Variants in SOD1 observed in about 807,000 individuals in gnomAD.
SOD1 encodes the protein superoxide dismutase [Cu-Zn].
SOD1 carries 8 observed loss-of-function variants against 15.9 expected under a neutral mutation model. The ratio of observed to expected loss-of-function variants is 0.50; its 90% CI spans 0.30 to 0.91. The LOEUF (loss-of-function observed/expected upper bound fraction) is 0.91. SOD1 is among the 40% of genes least tolerant of loss of function. The pLI, the probability that SOD1 is intolerant of heterozygous loss-of-function variation, is 0.07. For missense variants in SOD1, 137 were observed against 194.5 expected, an observed-to-expected ratio of 0.70 and a Z score of 1.76; for synonymous variants, 86 against 71.2, an observed-to-expected ratio of 1.21 and a Z score of -1.04.
intron 2 of SOD1, among the ~76,000 whole-genome samples, chr21:31,664,877 A>G (rs1017529804): frequency 3.3e-5 from 5 of 152,130 alleles, no homozygotes; most frequent in South Asian, 2.1e-4. Flanking sequence ...CAGCCTCCCA[A>G]AGTGCTGGGA....
chr21:31,667,893 ACATTCAGTAGTCACTTC>A (rs1288632683), intron 4 of SOD1, among the ~76,000 whole-genome samples: 4 of 152,188 alleles, frequency 2.6e-5, no homozygotes, highest in Non-Finnish European at 5.9e-5. Context: ...GAGGGCATTA[ACATTCAGTAGTCACTTC>A]CATTCAGTTA....
Position 31,664,719 on chromosome 21 carries a change from T to C in SOD1, c.169+833T>C, listed in dbSNP as rs17883461. Among the ~76,000 whole-genome samples the C allele has an allele frequency of 4.5e-3, 690 of 152,060 alleles. 6 individuals carry two copies. Among genetic ancestry groups the C allele is most frequent in the African/African-American group, 0.015 (636 of 41,456 alleles). ...CTGCAAGCTCCGCCTCCCGGGTTCA[T>C]GCCATTCTCCTGCCTCAGCCCCCTG... On this transcript the variant is annotated intron_variant, in intron 2 of 4. Coordinates refer to ENST00000270142, the MANE Select transcript of SOD1 (RefSeq NM_000454.5).
At chr21:31,666,758 A>T in intron 3 of SOD1, 4 of 552,560 alleles carry the variant, frequency 7.2e-6, no homozygotes, top group Non-Finnish European at 3.2e-6. Flanking sequence ...TGAATATAGA[A>T]CTAATACAAG....
chr21:31,666,315 G>T, intron 2 of SOD1, 134 bp from the exon 3 acceptor site: 1 of 698,006 alleles, frequency 1.4e-6, no homozygotes, highest in South Asian at 1.5e-5. Context: ...GCTGTACCAA[G>T]GTGTTGCTTA....
In SOD1 at chr21:31,668,625, C is replaced by T. The variant is rs571521279; in HGVS notation, c.*47C>T. ...GAGGCCCCTTAACTCATCTGTTATC[C>T]TGCTAGCTGTAGAAATGTATCCTGA... On this transcript the variant is annotated 3_prime_UTR_variant, in exon 5 of 5. Transcript: ENST00000270142. 1.6e-5 allele frequency: 21 copies of T among 1,290,670 alleles called. No homozygotes were observed. The African/African-American group carries it at 2.9e-4, about 18-fold the overall frequency. The allele number at this position is 1,290,670 out of a possible 1,614,324, so 80.0% of individuals were successfully genotyped here.
intron 2 of SOD1, among the ~76,000 whole-genome samples, chr21:31,665,343 T>C (rs557605838): frequency 6.6e-6 from 1 of 152,284 alleles, no homozygotes; most frequent in African/African-American, 2.4e-5. Context: ...GATTTTTTTG[T>C]TTATAGATTT....
At chr21:31,664,250 T>C (rs1176949517) in intron 2 of SOD1, 1 of 297,792 alleles carries the variant, frequency 3.4e-6, no homozygotes, top group East Asian at 7.7e-5. Context: ...TGGGATTACA[T>C]GTGTGAGCCA....
In SOD1 at chr21:31,659,797, A is replaced by C. The variant is rs1236713490; in HGVS notation, c.28A>C (p.Lys10Gln). The C allele has an allele frequency of 6.2e-7, 1 of 1,613,796 alleles. No individual in the cohort carries two copies. The highest frequency in any genetic ancestry group is 8.5e-7 in the Non-Finnish European group (1 of 1,179,912). The part of the protein sequence containing the change: MATKAVCVL[K>Q]GDGPVQGIIN... ...GGCGACGAAGGCCGTGTGCGTGCTGAAGGGCGACGGCCCAGTGCAGGGCAT... is the reference window on the plus strand; with the variant it reads ...GGCGACGAAGGCCGTGTGCGTGCTGCAGGGCGACGGCCCAGTGCAGGGCAT... Residue 10 changes from lysine (K) to glutamine (Q), a missense_variant, in exon 1 of 5, where the codon AAG (lysine) becomes CAG (glutamine). Transcript: ENST00000270142.
chr21:31,666,633 A>G lies in SOD1; in HGVS notation c.239+115A>G, dbSNP rs2049595760. The G allele has an allele frequency of 3.5e-6, 3 of 852,852 alleles. No homozygotes were observed. The South Asian group carries it at 4.3e-5, about 12-fold the overall frequency. 52.8% of individuals were successfully genotyped at this position (852,852 alleles called of 1,614,324 possible). A position where few individuals can be genotyped will look rare whatever the true frequency, so the allele number is the denominator to read the frequency against. ...CGTGTTTCCCCCACCTTTGCTTTTGAACTTGCTGACTCATCTAAACCCCTG... is the reference window on the plus strand; with the variant it reads ...CGTGTTTCCCCCACCTTTGCTTTTGGACTTGCTGACTCATCTAAACCCCTG... On this transcript the variant is annotated intron_variant, in intron 3 of 4. Coordinates refer to ENST00000270142, the MANE Select transcript of SOD1 (RefSeq NM_000454.5).
At position 31,666,316 on chromosome 21, in the gene SOD1, G is replaced by C. The variant is rs139631980; in HGVS notation, c.170-133G>C. The C allele has an allele frequency of 1.3e-4, 90 of 699,904 alleles. No homozygotes were observed. The East Asian group carries it at 2.4e-3, about 19-fold the overall frequency. 43.4% of individuals were successfully genotyped at this position (699,904 alleles called of 1,614,324 possible). On this transcript the variant is annotated intron_variant, in intron 2 of 4. Transcript: ENST00000270142. The stretch of plus-strand genomic sequence containing the variant: ...CCCTTCTCACTGTGGCTGTACCAAG[G>C]TGTTGCTTATCCCAGAAGTCGTGAT...
intron 2 of SOD1, among the ~76,000 whole-genome samples, chr21:31,664,767 C>T (rs553266775): frequency 9.9e-5 from 15 of 152,068 alleles, no homozygotes; most frequent in African/African-American, 2.7e-4. Context: ...TACAGGTGCC[C>T]GCCACCCCGC....
rs767088423 is a variant in SOD1, at chr21:31,668,627, G to A, written c.*49G>A. 1.6e-6 allele frequency: 2 copies of A among 1,279,792 alleles called. No homozygotes were observed. The highest frequency in any genetic ancestry group is 1.5e-5 in the African/African-American group (1 of 68,432). The allele number at this position is 1,279,792 out of a possible 1,614,324, so 79.3% of individuals were successfully genotyped here. On this transcript the variant is annotated 3_prime_UTR_variant, in exon 5 of 5. Transcript: ENST00000270142. ...GGCCCCTTAACTCATCTGTTATCCT[G>A]CTAGCTGTAGAAATGTATCCTGATA...
At chr21:31,662,871 C>T (rs958298338) in intron 1 of SOD1, among the ~76,000 whole-genome samples, 3 of 151,912 alleles carry the variant, frequency 2.0e-5, no homozygotes, top group Non-Finnish European at 2.9e-5. Flanking sequence ...AAAAATTAGC[C>T]GGGTGTGGTG....
At position 31,663,674 on chromosome 21, in the gene SOD1, A is replaced by G. The variant is rs2049568204; in HGVS notation, c.73-116A>G. The G allele has an allele frequency of 8.9e-6, 7 of 788,002 alleles. No individual in the cohort carries two copies. The South Asian group carries it at 9.9e-5, about 11-fold the overall frequency. 48.8% of individuals were successfully genotyped at this position (788,002 alleles called of 1,614,324 possible). A position where few individuals can be genotyped will look rare whatever the true frequency, so the allele number is the denominator to read the frequency against. On this transcript the variant is annotated intron_variant, in intron 1 of 4. Transcript: ENST00000270142. The stretch of plus-strand genomic sequence containing the variant: ...AGAAAGTGGTCAGCCTGGGATTTGG[A>G]CACAGATTTTTCCACTCCCAAGTCT...
At chr21:31,667,194 T>C in intron 3 of SOD1, 64 bp from the exon 4 acceptor site, 2 of 1,289,222 alleles carry the variant, frequency 1.6e-6, no homozygotes, top group Admixed American at 1.7e-5. Context: ...TTAATTTAGC[T>C]CATGAACTAC....
At chr21:31,660,048 C>T (rs2123428355) in intron 1 of SOD1, 1 of 294,928 alleles carries the variant, frequency 3.4e-6, no homozygotes, top group Non-Finnish European at 6.1e-6. Context: ...GGGCGCGGGG[C>T]GTGGGACCGA....
At chr21:31,661,864 A>G (rs888706754) in intron 1 of SOD1, 1 of 152,246 alleles carries the variant, frequency 6.6e-6, no homozygotes, top group Non-Finnish European at 1.5e-5. Flanking sequence ...AGATATGCAG[A>G]GATAATACAT....
chr21:31,664,053 C>T (rs967648475), intron 2 of SOD1, among the ~76,000 whole-genome samples, 167 bp downstream of exon 2: 1 of 152,080 alleles, frequency 6.6e-6, no homozygotes, highest in African/African-American at 2.4e-5. Context: ...CATGGCTGAC[C>T]TTAGCCTTGA....
intron 1 of SOD1, among the ~76,000 whole-genome samples, chr21:31,662,417 C>G (rs978367475): frequency 1.3e-5 from 2 of 152,160 alleles, no homozygotes; most frequent in African/African-American, 2.4e-5. Flanking sequence ...TATTTGAAAA[C>G]AAACCAAGCT....
Sources: allele counts gnomAD v4.1 joint callset (sites outside exome capture counted in the v4.1 genomes callset), GRCh38; gene constraint gnomAD v4.1.1; transcripts MANE v1.5; gene names NCBI Gene and HGNC (gene_info 2026-07-23, HGNC 2026-07-21).